DNAH6: variants seen among roughly 807,000 people sequenced by gnomAD.
The protein encoded by DNAH6 is dynein axonemal heavy chain 6.
A neutral mutation model predicts 491.4 loss-of-function variants in DNAH6; 340 were observed. The ratio of observed to expected loss-of-function variants is 0.69; its 90% CI spans 0.63 to 0.76. DNAH6 has a LOEUF of 0.76. Among genes scored for constraint, DNAH6 ranks in the 30% least tolerant of loss-of-function variants. The probability of loss-of-function intolerance (pLI) is 0.00; values close to 1 mark genes in which losing one functional copy is unlikely to be tolerated. For missense variants in DNAH6, 4,443 were observed against 4,972.2 expected, an observed-to-expected ratio of 0.89 and a Z score of 3.20; for synonymous variants, 1,603 against 1,686.1, an observed-to-expected ratio of 0.95 and a Z score of 1.21.
intron 51 of DNAH6, 125 bp from the exon 52 acceptor site, chr2:84,705,361 T>C: frequency 9.9e-7 from 1 of 1,006,936 alleles, no homozygotes; most frequent in Non-Finnish European, 1.4e-6. Flanking sequence ...TTACTAAAAT[T>C]ATAGTACCAA....
At chr2:84,810,222 CT>C (rs993240344) in intron 72 of DNAH6, among the ~76,000 whole-genome samples, 2 of 152,296 alleles carry the variant, frequency 1.3e-5, no homozygotes, top group Middle Eastern at 3.4e-3. Flanking sequence ...AATTTCCCCC[CT>C]ATGAGTATGG....
the DNAH6 span, among the ~76,000 whole-genome samples, chr2:84,481,066 G>A: frequency 6.6e-6 from 1 of 152,092 alleles, no homozygotes; most frequent in Non-Finnish European, 1.5e-5. Context: ...CTCTGTCTTG[G>A]ATCCTCTAGC....
chr2:84,557,866 A>C lies in DNAH6; in HGVS notation c.1734A>C (p.Gly578=), dbSNP rs1397115916. ...INNKLEGKTC[G]TGPSLAAVFE... is the part of the protein sequence containing the mutation. Reference sequence around the variant, plus strand: ...ACAAACTTGAAGGAAAAACCTGTGGAACTGGGCCAAGTTTAGCAGCAGTAT... The same window carrying C: ...ACAAACTTGAAGGAAAAACCTGTGGCACTGGGCCAAGTTTAGCAGCAGTAT... The change falls in exon 11 of 77, where the codon GGA becomes GGC. Residue 578 remains glycine, a synonymous_variant. Coordinates refer to ENST00000389394, the MANE Select transcript of DNAH6 (RefSeq NM_001370.2). 1.2e-6 allele frequency: 2 copies of C among 1,612,794 alleles called. No individual in the cohort carries two copies. The highest frequency in any genetic ancestry group is 4.5e-5 in the East Asian group (2 of 44,832).
At chr2:84,629,141 A>G (rs544500274) in intron 29 of DNAH6, among the ~76,000 whole-genome samples, 1 of 151,576 alleles carries the variant, frequency 6.6e-6, no homozygotes, top group South Asian at 2.1e-4. Flanking sequence ...TGTTTTTATG[A>G]TTTTTTTCAT....
intron 64 of DNAH6, among the ~76,000 whole-genome samples, chr2:84,770,184 A>G (rs1675474278): frequency 6.6e-6 from 1 of 152,230 alleles, no homozygotes; most frequent in Non-Finnish European, 1.5e-5. Flanking sequence ...TTACAAAATT[A>G]GTTTATAAAA....
Position 84,653,512 on chromosome 2 carries a change from G to A in DNAH6, c.5272G>A (p.Gly1758Ser), listed in dbSNP as rs1398570495. The change falls in exon 34 of 77, where the codon GGC becomes AGC. Residue 1758 changes from glycine to serine, a missense_variant. Gly to Ser is a moderately conservative substitution (Grantham distance 56). Transcript: ENST00000389394. ...GVMLVGPTGGGKTTVYRILAE... is the reference protein window; with the variant it reads ...GVMLVGPTGGSKTTVYRILAE... ...TATGTTAGTCGGGCCAACAGGAGGC[G>A]GCAAGACCACAGTTTACCGAATACT... The A allele has an allele frequency of 1.3e-6, 2 of 1,551,192 alleles. No homozygotes were observed. Among genetic ancestry groups the A allele is most frequent in the Non-Finnish European group, 8.7e-7 (1 of 1,146,684 alleles).
chr2:84,653,349 C>G lies in DNAH6; in HGVS notation c.5109C>G (p.Val1703=). ...SGIISDLFPG[V]QIPEHDYGIL... ...TCATATCTGACCTTTTTCCTGGAGTCCAAATTCCAGAACATGATTATGGTA... is the reference window on the plus strand; with the variant it reads ...TCATATCTGACCTTTTTCCTGGAGTGCAAATTCCAGAACATGATTATGGTA... The change falls in exon 34 of 77, where the codon GTC becomes GTG. Residue 1703 remains valine, a synonymous_variant. Coordinates refer to ENST00000389394, the MANE Select transcript of DNAH6 (RefSeq NM_001370.2). The G allele has an allele frequency of 1.9e-6, 3 of 1,538,514 alleles. No homozygotes were observed. The highest frequency in any genetic ancestry group is 2.6e-6 in the Non-Finnish European group (3 of 1,139,648).
At chr2:84,746,558 A>T (rs1418788502) in intron 63 of DNAH6, among the ~76,000 whole-genome samples, 1 of 152,116 alleles carries the variant, frequency 6.6e-6, no homozygotes, top group Non-Finnish European at 1.5e-5. Flanking sequence ...TAAGGATTTG[A>T]TTGGTGAGTT....
chr2:84,649,234 A>G (rs1029945646), intron 33 of DNAH6, among the ~76,000 whole-genome samples: 2 of 152,226 alleles, frequency 1.3e-5, no homozygotes, highest in South Asian at 2.1e-4. Flanking sequence ...CTTTATTGCT[A>G]TATTCACTTT....
intron 42 of DNAH6, among the ~76,000 whole-genome samples, chr2:84,684,334 A>C (rs1694079930): frequency 6.6e-6 from 1 of 152,128 alleles, no homozygotes; most frequent in African/African-American, 2.4e-5. Flanking sequence ...TCCTATTTTT[A>C]AGATAATTTT....
At chr2:84,549,752 T>C in intron 8 of DNAH6, 137 bp from the exon 9 acceptor site, 3 of 639,804 alleles carry the variant, frequency 4.7e-6, no homozygotes, top group Non-Finnish European at 7.7e-6. Flanking sequence ...ACATTTCTGA[T>C]ATTGTAATAT....
chr2:84,758,048 T>G (rs868686936), intron 63 of DNAH6, among the ~76,000 whole-genome samples: 1 of 152,202 alleles, frequency 6.6e-6, no homozygotes, highest in Non-Finnish European at 1.5e-5. Flanking sequence ...ATAAAGAAAA[T>G]TAGTTCACAT....
intron 22 of DNAH6, among the ~76,000 whole-genome samples, chr2:84,613,604 C>G (rs1686543791): frequency 6.6e-6 from 1 of 152,046 alleles, no homozygotes; most frequent in African/African-American, 2.4e-5. Flanking sequence ...CCCATCACCA[C>G]AATTTTGGCA....
At position 84,653,390 on chromosome 2, in the gene DNAH6, T is replaced by C. The variant is rs1428457408; in HGVS notation, c.5150T>C (p.Ile1717Thr). ...GATTATGGTATTTTACAATCAACAA[T>C]TGTGGATGTCATGAATAGACAAAAT... ...EHDYGILQST[I>T]VDVMNRQNLQ... Residue 1717 changes from isoleucine to threonine, a missense_variant, in exon 34 of 77, where the codon ATT (isoleucine) becomes ACT (threonine). By Grantham distance (89) the Ile-to-Thr change is moderately conservative (BLOSUM62 -1). Around this residue, in one of 3 missense-constraint regions of DNAH6, gnomAD observed 2,977 missense variants for 3,296.6 expected, o/e 0.90. Coordinates refer to ENST00000389394, the MANE Select transcript of DNAH6 (RefSeq NM_001370.2). The C allele has an allele frequency of 6.4e-7, 1 of 1,550,900 alleles. No homozygotes were observed. Among genetic ancestry groups the C allele is most frequent in the South Asian group, 1.2e-5 (1 of 84,006 alleles).
intron 70 of DNAH6, among the ~76,000 whole-genome samples, chr2:84,799,188 A>T (rs1678644085): frequency 6.6e-6 from 1 of 152,062 alleles, no homozygotes; most frequent in South Asian, 2.1e-4. Flanking sequence ...GGGTTTCACC[A>T]TGTTGACCAG....
In DNAH6 at chr2:84,686,195, A is replaced by C. The variant is rs1056645474; in HGVS notation, c.7064-289A>C. Among the ~76,000 whole-genome samples, 31 of 152,322 alleles carry C rather than the reference A, an allele frequency of 2.0e-4. 1 individual carries two copies. The highest frequency in any genetic ancestry group is 7.2e-4 in the African/African-American group (30 of 41,574). ...AGTGCAAGACTCCGTCTCAAAAAAA[A>C]AAAAAAGCCAGGATAATTTTAAAGT... On this transcript the variant is annotated intron_variant, in intron 43 of 76. Transcript: ENST00000389394.
At chr2:84,650,063 C>T (rs994104213) in intron 33 of DNAH6, among the ~76,000 whole-genome samples, 11 of 151,646 alleles carry the variant, frequency 7.3e-5, no homozygotes, top group Non-Finnish European at 1.6e-4. Flanking sequence ...CTGGCTGCTG[C>T]TAAAATTGTT....
At chr2:84,679,798 G>A (rs1163323823) in intron 41 of DNAH6, among the ~76,000 whole-genome samples, 1 of 152,172 alleles carries the variant, frequency 6.6e-6, no homozygotes, top group Non-Finnish European at 1.5e-5. Context: ...TGATATTGGT[G>A]TATCATCCCT....
At chr2:84,715,218 A>G (rs930248906) in intron 57 of DNAH6, among the ~76,000 whole-genome samples, 5 of 152,160 alleles carry the variant, frequency 3.3e-5, no homozygotes, top group Non-Finnish European at 5.9e-5. Flanking sequence ...GGCTCATCCA[A>G]GATGACACAG....
Sources: allele counts gnomAD v4.1 joint callset (sites outside exome capture counted in the v4.1 genomes callset), GRCh38; gene constraint gnomAD v4.1.1; regional missense constraint gnomAD v4.1.1; transcripts MANE v1.5; gene names NCBI Gene and HGNC (gene_info 2026-07-23, HGNC 2026-07-21).